PRDM1: variants seen among roughly 807,000 people sequenced by gnomAD.
PRDM1 encodes PR/SET domain 1.
PRDM1 carries 13 observed loss-of-function variants against 62.8 expected under a neutral mutation model. The observed-to-expected ratio is 0.21, with a 90% CI of 0.13 to 0.33. PRDM1 has a LOEUF of 0.33. Ranked by LOEUF, PRDM1 falls within the 10% of genes least tolerant of loss-of-function variation. The pLI is 1.00. For synonymous variants in PRDM1, 396 were observed against 417.6 expected, an observed-to-expected ratio of 0.95 and a Z score of 0.63; for missense variants, 895 against 1,058.8, an observed-to-expected ratio of 0.85 and a Z score of 2.15.
chr6:106,018,663 A>C (rs970126914), intron 1 of PRDM1, among the ~76,000 whole-genome samples: 1 of 151,038 alleles, frequency 6.6e-6, no homozygotes, highest in Non-Finnish European at 1.5e-5. Context: ...CTTTTTTTTT[A>C]AATATGATTA....
chr6:106,080,607 A>C (rs910565506), intron 1 of PRDM1, among the ~76,000 whole-genome samples: 1 of 152,218 alleles, frequency 6.6e-6, no homozygotes, highest in Non-Finnish European at 1.5e-5. Flanking sequence ...TACAATTAGA[A>C]GGAATTAGAA....
chr6:106,020,027 G>T (rs918628736), intron 1 of PRDM1, among the ~76,000 whole-genome samples: 2 of 151,088 alleles, frequency 1.3e-5, no homozygotes. Context: ...GTCAGGAAGA[G>T]ACAAGCCTGG....
intron 1 of PRDM1, 81 bp from the exon 2 acceptor site, chr6:106,088,120 C>A (rs1773858250): frequency 6.7e-7 from 1 of 1,481,864 alleles, no homozygotes; most frequent in Non-Finnish European, 9.0e-7. Flanking sequence ...CTTCAGACTA[C>A]TGTATTAGTC....
intron 1 of PRDM1, among the ~76,000 whole-genome samples, chr6:106,005,175 A>T (rs563988290): frequency 4.6e-5 from 7 of 152,340 alleles, no homozygotes; most frequent in African/African-American, 1.7e-4. Context: ...TTGGCACTTG[A>T]TGGAAGGCTG....
In PRDM1 at chr6:106,106,606, C is replaced by G. The variant is rs1395909851; in HGVS notation, c.1902+107C>G. ...TAGTTAAAGCCAACACCAGATTCTG[C>G]GTTGTCCCATCCTGGACTGATGGCA... On this transcript the variant is annotated intron_variant, in intron 6 of 6. Coordinates refer to ENST00000369096, the MANE Select transcript of PRDM1 (RefSeq NM_001198.4). The surrounding 1 kb of genome is among the most constrained non-coding windows in gnomAD (Gnocchi z 4.4). The G allele has an allele frequency of 5.5e-6, 8 of 1,465,286 alleles. No individual in the cohort carries two copies. Among genetic ancestry groups the G allele is most frequent in the Non-Finnish European group, 7.4e-6 (8 of 1,079,182 alleles). 90.8% of individuals were successfully genotyped at this position (1,465,286 alleles called of 1,614,324 possible).
At chr6:106,019,963 C>T (rs945046904) in intron 1 of PRDM1, among the ~76,000 whole-genome samples, 1 of 150,108 alleles carries the variant, frequency 6.7e-6, no homozygotes, top group Non-Finnish European at 1.5e-5. Flanking sequence ...GGTGTGGTGG[C>T]TCACGCCTAT....
At chr6:106,008,541 C>T (rs929413264) in intron 1 of PRDM1, among the ~76,000 whole-genome samples, 10 of 152,134 alleles carry the variant, frequency 6.6e-5, no homozygotes, top group Admixed American at 6.5e-5. Context: ...CATTTGCGAA[C>T]ACACTGAATA....
intron 2 of PRDM1, among the ~76,000 whole-genome samples, chr6:106,088,759 G>A: frequency 6.6e-6 from 1 of 152,208 alleles, no homozygotes; most frequent in East Asian, 1.9e-4. Flanking sequence ...AAAGCTCTGG[G>A]CCCACTGGCC....
intron 1 of PRDM1, among the ~76,000 whole-genome samples, chr6:106,062,992 T>C (rs923021889): frequency 1.1e-4 from 17 of 152,316 alleles, no homozygotes; most frequent in African/African-American, 4.1e-4. Flanking sequence ...ATGCCCTCTA[T>C]CTGCAATAGG....
chr6:105,997,712 A>G (rs1772364773), intron 1 of PRDM1, among the ~76,000 whole-genome samples: 2 of 152,224 alleles, frequency 1.3e-5, no homozygotes, highest in African/African-American at 4.8e-5. Context: ...AGGGATTTTG[A>G]AACATTTCTT....
Position 106,105,525 on chromosome 6 carries a change from C to T in PRDM1, c.1365C>T (p.Ser455=), listed in dbSNP as rs2114655629. The T allele has an allele frequency of 3.1e-6, 5 of 1,613,436 alleles. No individual in the cohort carries two copies. The highest frequency in any genetic ancestry group is 4.2e-6 in the Non-Finnish European group (5 of 1,179,674). The change falls in exon 5 of 7, where the codon AGC becomes AGT. Residue 455 remains serine, a synonymous_variant. Coordinates refer to ENST00000369096, the MANE Select transcript of PRDM1 (RefSeq NM_001198.4). The stretch of plus-strand genomic sequence containing the variant: ...ACAGCAATCTCCTCGGTGGGGGCAG[C>T]CTGCCCCACCCCATGCTCAACCCCA... ...PVYSNLLGGG[S]LPHPMLNPTS...
At chr6:106,073,998 T>C (rs906079288) in intron 1 of PRDM1, among the ~76,000 whole-genome samples, 3 of 151,972 alleles carry the variant, frequency 2.0e-5, no homozygotes, top group East Asian at 1.9e-4. Flanking sequence ...CATGCAAAAT[T>C]TGGGGGGAGG....
chr6:106,007,830 A>T (rs1762616891), intron 1 of PRDM1, among the ~76,000 whole-genome samples: 1 of 152,152 alleles, frequency 6.6e-6, no homozygotes, highest in African/African-American at 2.4e-5. Context: ...CTCCAGCTCC[A>T]AGCTCTTCCA....
At chr6:106,058,164 A>C (rs6941743) in intron 1 of PRDM1, among the ~76,000 whole-genome samples, 3 of 152,092 alleles carry the variant, frequency 2.0e-5, no homozygotes, top group African/African-American at 7.2e-5. Flanking sequence ...GCTGCTATAC[A>C]AAGTACCACA....
Position 106,080,239 on chromosome 6 carries a change from A to G in PRDM1, c.-66-7962A>G, listed in dbSNP as rs539933178. 9.2e-5 allele frequency among the ~76,000 whole-genome samples: 14 copies of G among 152,370 alleles called. No homozygotes were observed. The South Asian group carries it at 2.7e-3, about 29-fold the overall frequency. On this transcript the variant is annotated intron_variant, in intron 1 of 6. Coordinates refer to the PRDM1 transcript ENST00000651185. ...AGCACATGCAGATTTGGCAGCTAGC[A>G]GTGATCTAGCAGTTGGATCCTAAGT...
rs202200155 is a variant in PRDM1 at position 106,088,397 on chromosome 6, A to T, written c.239A>T (p.Glu80Val). The T allele has an allele frequency of 9.5e-5, 154 of 1,614,204 alleles. 2 individuals are homozygous for T. The East Asian group carries it at 2.3e-3, about 24-fold the overall frequency. ...GADGGTSVQAEASLPRNLLFK... is the reference protein window; with the variant it reads ...GADGGTSVQAVASLPRNLLFK... ...GATGGCGGTACTTCGGTTCAGGCGGAGGCATCCTTACCAAGGAATCTGCTT... is the reference window on the plus strand; with the variant it reads ...GATGGCGGTACTTCGGTTCAGGCGGTGGCATCCTTACCAAGGAATCTGCTT... Residue 80 changes from glutamate (E) to valine (V), a missense_variant, in exon 2 of 7, where the codon GAG becomes GTG. By Grantham distance (121) the Glu-to-Val change is moderately radical. Around this residue, in one of 4 missense-constraint regions of PRDM1, gnomAD observed 213 missense variants for 283.9 expected, o/e 0.75. Coordinates refer to ENST00000369096, the MANE Select transcript of PRDM1 (RefSeq NM_001198.4).
intron 2 of PRDM1, among the ~76,000 whole-genome samples, chr6:106,093,143 T>C (rs1216886037): frequency 6.6e-6 from 1 of 152,214 alleles, no homozygotes; most frequent in African/African-American, 2.4e-5. Flanking sequence ...AAGAGCTACT[T>C]CCGGTGCTGC....
At chr6:106,044,147 CTT>C (rs1350565501), upstream of PRDM1, among the ~76,000 whole-genome samples, 4 of 147,634 alleles carry the variant, frequency 2.7e-5, no homozygotes, top group African/African-American at 7.4e-5. Flanking sequence ...GCTTTACACT[CTT>C]TTTTTCTGCC....
intron 1 of PRDM1, among the ~76,000 whole-genome samples, chr6:106,066,484 C>T (rs893708797): frequency 1.3e-4 from 20 of 152,168 alleles, no homozygotes; most frequent in Non-Finnish European, 2.4e-4. Context: ...GATTCTCCCA[C>T]AGAGCAGGTT....
Sources: allele counts gnomAD v4.1 joint callset (sites outside exome capture counted in the v4.1 genomes callset), GRCh38; gene constraint gnomAD v4.1.1; regional missense constraint gnomAD v4.1.1; non-coding constraint Gnocchi (gnomAD v3.1); transcripts MANE v1.5; gene names NCBI Gene and HGNC (gene_info 2026-07-23, HGNC 2026-07-21).